The following POLN variants were observed in gnomAD, a reference collection of about 807,000 sequenced individuals.
POLN encodes DNA polymerase nu.
POLN carries 108 observed loss-of-function variants against 113.5 expected under a neutral mutation model. The observed-to-expected ratio is 0.95, with a 90% confidence interval of 0.81 to 1.12. The LOEUF (loss-of-function observed/expected upper bound fraction) is 1.12, where lower values mean the gene tolerates loss of function less well. POLN is among the 50% of genes most tolerant of loss of function. POLN has a pLI of 0.00. For missense variants in POLN, 1,097 were observed against 1,077.1 expected (o/e 1.02, Z -0.26); for synonymous variants, 386 against 391.5 (o/e 0.99, Z 0.17).
chr4:2,136,642 TG>T (rs1731865254), intron 16 of POLN, among the ~76,000 whole-genome samples: 1 of 152,220 alleles, frequency 6.6e-6, no homozygotes, highest in African/African-American at 2.4e-5. Context: ...TAGCTGTTAG[TG>T]GAATGCTATG....
intron 16 of POLN, among the ~76,000 whole-genome samples, chr4:2,148,930 C>G (rs954566310): frequency 1.3e-5 from 2 of 152,038 alleles, no homozygotes; most frequent in East Asian, 3.9e-4. Context: ...AGAAAAAAAA[C>G]CTTTTAACTG....
chr4:2,075,656 G>T lies in POLN; in HGVS notation c.2388-137C>A. The T allele has an allele frequency of 5.9e-6, 5 of 853,624 alleles. No individual in the cohort carries two copies. The South Asian group carries it at 6.2e-5, about 11-fold the overall frequency. 52.9% of individuals were successfully genotyped at this position (853,624 alleles called of 1,614,324 possible). A position where few individuals can be genotyped will look rare whatever the true frequency, so the allele number is the denominator to read the frequency against. On this transcript the variant is annotated intron_variant, in intron 23 of 25. Transcript: ENST00000511885. ...GCTCAGGGGTGCATGCAGAGGTGGGGGCCCATCCCCAAGGTTTCTGAAAGG... is the reference window on the plus strand; with the variant it reads ...GCTCAGGGGTGCATGCAGAGGTGGGTGCCCATCCCCAAGGTTTCTGAAAGG...
Position 2,210,562 on chromosome 4 carries a change from G to A in POLN, c.214-2075C>T, listed in dbSNP as rs147676864. On this transcript the variant is annotated intron_variant, in intron 4 of 25. Coordinates refer to ENST00000511885, the MANE Select transcript of POLN (RefSeq NM_181808.4). ...CACCACACTGCACTTCAGCCTGTGC[G>A]ACAGAGTGAGAAAGTCTCAAAATAA... is the stretch of plus-strand genomic sequence containing the variant. 1.9e-3 allele frequency among the ~76,000 whole-genome samples: 273 copies of A among 147,450 alleles called. 2 individuals are homozygous for A. The highest frequency in any genetic ancestry group is 6.6e-3 in the African/African-American group (264 of 40,168).
intron 19 of POLN, among the ~76,000 whole-genome samples, chr4:2,106,263 C>G (rs1731063870): frequency 6.6e-6 from 1 of 152,176 alleles, no homozygotes; most frequent in Non-Finnish European, 1.5e-5. Context: ...GGGGAATTTT[C>G]ACGTGAATAG....
At chr4:2,166,893 A>G (rs925573538) in intron 13 of POLN, among the ~76,000 whole-genome samples, 1 of 152,100 alleles carries the variant, frequency 6.6e-6, no homozygotes, top group Non-Finnish European at 1.5e-5. Context: ...AGCACCCCCA[A>G]CTGCGTGAAC....
chr4:2,170,058 C>T (rs1035296495), intron 13 of POLN, among the ~76,000 whole-genome samples: 4 of 152,224 alleles, frequency 2.6e-5, no homozygotes, highest in African/African-American at 9.6e-5. Flanking sequence ...AAACCTTCCT[C>T]TGTTACAAAG....
intron 11 of POLN, 54 bp from the exon 12 acceptor site, chr4:2,171,235 T>C: frequency 1.3e-6 from 2 of 1,507,232 alleles, no homozygotes; most frequent in East Asian, 2.3e-5. Flanking sequence ...CAATTTAAGA[T>C]TGTTTAATTT....
chr4:2,098,920 A>ACG (rs1355926522), intron 19 of POLN, among the ~76,000 whole-genome samples: 7 of 10,116 alleles, frequency 6.9e-4, no homozygotes, highest in Non-Finnish European at 5.4e-3. Flanking sequence ...GTGCGTGCGC[A>ACG]CACACACACA....
At chr4:2,073,813 G>A (rs1342916289) in intron 24 of POLN, among the ~76,000 whole-genome samples, 1 of 152,254 alleles carries the variant, frequency 6.6e-6, no homozygotes. Flanking sequence ...CAGAGCGAGG[G>A]TCTCCCTGGG....
At chr4:2,188,850 C>A (rs1410205484) in intron 7 of POLN, among the ~76,000 whole-genome samples, 1 of 152,008 alleles carries the variant, frequency 6.6e-6, no homozygotes, top group African/African-American at 2.4e-5. Context: ...ACACATAAAT[C>A]GAGGCAACAA....
chr4:2,168,941 G>A lies in POLN; in HGVS notation c.1554+1738C>T, dbSNP rs138862820. ...AACACACACCTAAGATAAACTTTAG[G>A]TAGTGGTGAGTTGTGTGCAGAAAAT... On this transcript the variant is annotated intron_variant, in intron 13 of 25. Transcript: ENST00000511885. Among the ~76,000 whole-genome samples the A allele has an allele frequency of 2.0e-3, 309 of 152,324 alleles. 1 individual carries two copies. The highest frequency in any genetic ancestry group is 7.0e-3 in the African/African-American group (292 of 41,566).
chr4:2,118,034 A>C (rs534202734), intron 19 of POLN, among the ~76,000 whole-genome samples: 2 of 152,184 alleles, frequency 1.3e-5, no homozygotes, highest in Non-Finnish European at 2.9e-5. Flanking sequence ...TACCTATTTG[A>C]CTTTAGTCAG....
intron 20 of POLN, among the ~76,000 whole-genome samples, chr4:2,086,548 T>C (rs1375556366): frequency 6.6e-6 from 1 of 152,228 alleles, no homozygotes; most frequent in Admixed American, 6.5e-5. Flanking sequence ...TGGGAAGTTC[T>C]AAGCAGTGTG....
At chr4:2,171,359 C>T (rs1334906541) in intron 11 of POLN, among the ~76,000 whole-genome samples, 178 bp from the exon 12 acceptor site, 1 of 145,802 alleles carries the variant, frequency 6.9e-6, no homozygotes, top group Admixed American at 7.0e-5. Flanking sequence ...TTGAGACCAG[C>T]CTGGGCAACA....
At chr4:2,194,438 T>C (rs935983940) in intron 6 of POLN, among the ~76,000 whole-genome samples, 6 of 152,202 alleles carry the variant, frequency 3.9e-5, no homozygotes, top group African/African-American at 1.2e-4. Context: ...GATTTCACCT[T>C]GGTTTCCCTT....
chr4:2,159,320 T>A, intron 13 of POLN, 109 bp from the exon 14 acceptor site: 1 of 950,484 alleles, frequency 1.1e-6, no homozygotes, highest in Non-Finnish European at 1.6e-6. Flanking sequence ...TTGAGCATAT[T>A]TTCCAAAATA....
Position 2,123,642 on chromosome 4 carries a change from A to G in POLN, c.1982+4471T>C, listed in dbSNP as rs866551600. Among the ~76,000 whole-genome samples the G allele has an allele frequency of 6.8e-4, 103 of 150,932 alleles. 1 individual carries two copies. The highest frequency in any genetic ancestry group is 3.4e-3 in the Middle Eastern group (1 of 294). On this transcript the variant is annotated intron_variant, in intron 19 of 25. Transcript: ENST00000511885. ...CCTGTCTCAAAAAAAAAAAAAAAAAAAAAGAAAAAAAAATTCAGCCAGGCA... is the reference window on the plus strand; with the variant it reads ...CCTGTCTCAAAAAAAAAAAAAAAAAGAAAGAAAAAAAAATTCAGCCAGGCA...
At chr4:2,231,817 A>G (rs1283497629) in intron 2 of POLN, 1 of 613,698 alleles carries the variant, frequency 1.6e-6, no homozygotes, top group African/African-American at 2.0e-5. Context: ...AATTCATCAA[A>G]TTAAATGTTC....
At chr4:2,089,857 C>A in intron 20 of POLN, 3 of 939,960 alleles carry the variant, frequency 3.2e-6, no homozygotes, top group Non-Finnish European at 5.0e-6. Context: ...TGAAAGCAGA[C>A]TTTCCAGACT....
Sources: allele counts gnomAD v4.1 joint callset (sites outside exome capture counted in the v4.1 genomes callset), GRCh38; gene constraint gnomAD v4.1.1; transcripts MANE v1.5; gene names NCBI Gene and HGNC (gene_info 2026-07-23, HGNC 2026-07-21).